The following NALF1 variants were observed in gnomAD, a reference collection of about 807,000 sequenced individuals.
The protein encoded by NALF1 is NALCN channel auxiliary factor 1, also known as family with sequence similarity 155 member A.
Under a neutral mutation model 48.4 loss-of-function variants are expected in NALF1, and 3 were observed. The observed-to-expected ratio is 0.06, with a 90% confidence interval of 0.03 to 0.16. The LOEUF (loss-of-function observed/expected upper bound fraction) is 0.16, where lower values mean the gene tolerates loss of function less well. Among genes scored for constraint, NALF1 ranks in the 10% least tolerant of loss-of-function variants. NALF1 has a pLI of 1.00. For synonymous variants in NALF1, 262 were observed against 245.7 expected, an observed-to-expected ratio of 1.07 and a Z score of -0.62; for missense variants, 526 against 571.5, an observed-to-expected ratio of 0.92 and a Z score of 0.81.
chr13:107,711,287 C>A (rs1026538100), intron 1 of NALF1, among the ~76,000 whole-genome samples: 6 of 152,200 alleles, frequency 3.9e-5, no homozygotes, highest in South Asian at 2.1e-4. Flanking sequence ...TTGAATTATG[C>A]ATCATATTGT....
intron 1 of NALF1, among the ~76,000 whole-genome samples, chr13:107,568,768 T>A (rs1302372940): frequency 6.6e-6 from 1 of 152,200 alleles, no homozygotes; most frequent in Admixed American, 6.5e-5. Context: ...CTGTGCATGT[T>A]TTTTGAGTAT....
chr13:107,853,816 TAAAACTTTA>T (rs1594315313), intron 1 of NALF1, among the ~76,000 whole-genome samples: 1 of 152,318 alleles, frequency 6.6e-6, no homozygotes, highest in East Asian at 1.9e-4. Context: ...AAAAAGACTT[TAAAACTTTA>T]AAAAGTTTGA....
chr13:107,291,385 A>C (rs1452944974), intron 1 of NALF1, among the ~76,000 whole-genome samples: 1 of 152,078 alleles, frequency 6.6e-6, no homozygotes, highest in Admixed American at 6.5e-5. Flanking sequence ...ACACAAGTGG[A>C]AAACACCACA....
chr13:107,569,821 A>G (rs1168863709), intron 1 of NALF1, among the ~76,000 whole-genome samples: 4 of 152,224 alleles, frequency 2.6e-5, no homozygotes, highest in Non-Finnish European at 1.5e-5. Context: ...AAACCTGTCT[A>G]TCAATTTGTT....
chr13:107,240,905 T>C (rs1880453127), intron 1 of NALF1, among the ~76,000 whole-genome samples: 1 of 151,938 alleles, frequency 6.6e-6, no homozygotes, highest in South Asian at 2.1e-4. Flanking sequence ...GTGTCTTAGT[T>C]CTTTTTTTGC....
chr13:107,244,471 T>C (rs1880539069), intron 1 of NALF1, among the ~76,000 whole-genome samples: 1 of 152,348 alleles, frequency 6.6e-6, no homozygotes, highest in South Asian at 2.1e-4. Context: ...AATATGACCT[T>C]TATTCTTAAG....
At chr13:107,228,550 T>C (rs1594079717) in intron 1 of NALF1, among the ~76,000 whole-genome samples, 1 of 152,124 alleles carries the variant, frequency 6.6e-6, no homozygotes, top group East Asian at 1.9e-4. Flanking sequence ...CAAGAAATAA[T>C]TCAGTCCCTT....
chr13:107,644,891 T>C (rs372610382), intron 1 of NALF1, among the ~76,000 whole-genome samples: 143 of 152,076 alleles, frequency 9.4e-4, no homozygotes, highest in South Asian at 1.7e-3. Context: ...GTAGATGTGT[T>C]TTGGCTGTCT....
At chr13:107,469,264 G>C (rs1885057796) in intron 1 of NALF1, among the ~76,000 whole-genome samples, 1 of 152,070 alleles carries the variant, frequency 6.6e-6, no homozygotes, top group South Asian at 2.1e-4. Context: ...TGACCTTTGA[G>C]AGAGAAATCA....
chr13:107,751,681 C>T (rs1876940908), intron 1 of NALF1, among the ~76,000 whole-genome samples: 1 of 151,956 alleles, frequency 6.6e-6, no homozygotes, highest in Non-Finnish European at 1.5e-5. Context: ...AAAATAATGG[C>T]TGTAAAATAA....
chr13:107,492,268 C>A (rs886615150), intron 1 of NALF1, among the ~76,000 whole-genome samples: 6 of 151,888 alleles, frequency 4.0e-5, no homozygotes, highest in African/African-American at 1.5e-4. Context: ...AGGCTGTTCT[C>A]AAATTCCTGA....
intron 1 of NALF1, among the ~76,000 whole-genome samples, chr13:107,654,588 C>A (rs898100759): frequency 6.6e-6 from 1 of 152,002 alleles, no homozygotes; most frequent in African/African-American, 2.4e-5. Context: ...TTGTACTAAT[C>A]CTATTGACAC....
chr13:107,659,523 T>G (rs968351508), intron 1 of NALF1, among the ~76,000 whole-genome samples: 6 of 148,538 alleles, frequency 4.0e-5, no homozygotes, highest in African/African-American at 1.0e-4. Context: ...TTTTTTTTTT[T>G]GAAACATACA....
At chr13:107,830,874 G>A (rs12585203) in intron 1 of NALF1, among the ~76,000 whole-genome samples, 8,805 of 152,192 alleles carry the variant, frequency 0.058, 519 homozygotes, top group East Asian at 0.31. Flanking sequence ...TTAATATGTG[G>A]ATTAAAATGG....
chr13:107,628,552 G>A (rs1488978821), intron 1 of NALF1, among the ~76,000 whole-genome samples: 3 of 152,016 alleles, frequency 2.0e-5, no homozygotes, highest in East Asian at 1.9e-4. Flanking sequence ...TTCTCCTTTC[G>A]TGTCACAGAT....
chr13:107,545,241 C>T (rs1477839751), intron 1 of NALF1, among the ~76,000 whole-genome samples: 1 of 152,132 alleles, frequency 6.6e-6, no homozygotes, highest in Non-Finnish European at 1.5e-5. Context: ...AGGGGGAGTG[C>T]TGTGTGCTGA....
intron 1 of NALF1, among the ~76,000 whole-genome samples, chr13:107,314,727 T>G (rs1454167240): frequency 6.6e-6 from 1 of 152,200 alleles, no homozygotes; most frequent in African/African-American, 2.4e-5. Flanking sequence ...CCCATTTATG[T>G]TCCCCATTAG....
chr13:107,804,175 A>C (rs1335344794), intron 1 of NALF1, among the ~76,000 whole-genome samples: 2 of 152,120 alleles, frequency 1.3e-5, no homozygotes, highest in Non-Finnish European at 2.9e-5. Flanking sequence ...TCGCCTGTCC[A>C]CCTTGATCCA....
intron 1 of NALF1, among the ~76,000 whole-genome samples, chr13:107,821,423 A>G (rs1422072794): frequency 6.6e-6 from 1 of 152,188 alleles, no homozygotes; most frequent in Non-Finnish European, 1.5e-5. Flanking sequence ...ATGACGCGTG[A>G]GGGCTCTAAG....
Sources: gnomAD v4.1 joint callset for allele counts (sites outside exome capture counted in the v4.1 genomes callset) on GRCh38, gnomAD v4.1.1 for gene constraint, MANE v1.5 for transcripts, NCBI Gene and HGNC (gene_info 2026-07-23, HGNC 2026-07-21) for gene names.